The following NCOR1 variants were observed in gnomAD, a reference collection of about 807,000 sequenced individuals.
NCOR1 encodes protein phosphatase 1, regulatory subunit 109.
NCOR1 carries 63 observed loss-of-function variants against 288.1 expected under a neutral mutation model. The ratio of observed to expected loss-of-function variants is 0.22; its 90% CI spans 0.18 to 0.27. The LOEUF (loss-of-function observed/expected upper bound fraction) is 0.27, where lower values mean the gene tolerates loss of function less well. NCOR1 is among the 10% of genes least tolerant of loss of function. The pLI, the probability that NCOR1 is intolerant of heterozygous loss-of-function variation, is 1.00. For missense variants in NCOR1, 2,397 were observed against 3,019.2 expected (o/e 0.79, Z 4.83); for synonymous variants, 1,007 against 1,065.9 (o/e 0.94, Z 1.08).
chr17:16,072,496 A>AGAGGATAGAAGGATC (rs1025919890), intron 28 of NCOR1, among the ~76,000 whole-genome samples: 6 of 152,218 alleles, frequency 3.9e-5, no homozygotes, highest in Non-Finnish European at 5.9e-5. Context: ...TAAAATCCCA[A>AGAGGATAGAAGGATC]CACTTCTTTA....
At chr17:16,070,664 C>A in intron 30 of NCOR1, 139 bp from the exon 31 acceptor site, 1 of 1,083,992 alleles carries the variant, frequency 9.2e-7, no homozygotes, top group East Asian at 2.4e-5. Context: ...AATCACAACC[C>A]CACTGATCCC....
chr17:16,035,467 G>C (rs1435278464), intron 44 of NCOR1, among the ~76,000 whole-genome samples: 1 of 149,736 alleles, frequency 6.7e-6, no homozygotes, highest in Non-Finnish European at 1.5e-5. Context: ...TCCATTTCAA[G>C]TTTGATCATG....
At chr17:16,059,977 G>A (rs1294914335) in intron 37 of NCOR1, among the ~76,000 whole-genome samples, 1 of 152,184 alleles carries the variant, frequency 6.6e-6, no homozygotes, top group African/African-American at 2.4e-5. Flanking sequence ...TGTATCCACT[G>A]TTACTCATCA....
intron 14 of NCOR1, among the ~76,000 whole-genome samples, chr17:16,135,228 T>C (rs866687084): frequency 5.3e-5 from 8 of 151,120 alleles, no homozygotes; most frequent in South Asian, 4.2e-4. Flanking sequence ...CTATGATCTC[T>C]AGCTAAAAGG....
intron 1 of NCOR1, among the ~76,000 whole-genome samples, chr17:16,197,853 GA>G (rs2090123882): frequency 1.3e-5 from 2 of 152,042 alleles, no homozygotes; most frequent in Non-Finnish European, 2.9e-5. Context: ...TAGGACTTAA[GA>G]AAAAGTACCG....
chr17:16,060,665 CA>C (rs1163616089), intron 37 of NCOR1, among the ~76,000 whole-genome samples: 2 of 151,936 alleles, frequency 1.3e-5, no homozygotes, highest in African/African-American at 4.8e-5. Context: ...CATGAGAAAT[CA>C]TTTTTTTTTT....
chr17:16,178,079 G>A (rs2084600828), intron 3 of NCOR1, among the ~76,000 whole-genome samples: 2 of 151,922 alleles, frequency 1.3e-5, no homozygotes, highest in Admixed American at 6.6e-5. Context: ...CATGGAGGCA[G>A]GCATCTGTAA....
chr17:16,151,796 G>A, intron 8 of NCOR1, 150 bp downstream of exon 8: 2 of 869,210 alleles, frequency 2.3e-6, no homozygotes, highest in Non-Finnish European at 3.6e-6. Flanking sequence ...GAAGCCAGAG[G>A]AAGATAACAT....
At chr17:16,185,319 T>C (rs985075028) in intron 3 of NCOR1, among the ~76,000 whole-genome samples, 2 of 152,118 alleles carry the variant, frequency 1.3e-5, no homozygotes, top group Non-Finnish European at 2.9e-5. Context: ...TGCTTCACCA[T>C]AGTGACCTTT....
intron 22 of NCOR1, among the ~76,000 whole-genome samples, chr17:16,089,228 A>G (rs1040576902): frequency 6.6e-5 from 10 of 152,086 alleles, no homozygotes; most frequent in Admixed American, 4.6e-4. Context: ...CAGCAACAAA[A>G]TAAACATGCA....
At chr17:16,143,771 T>C in intron 10 of NCOR1, 75 bp from the exon 11 acceptor site, 1 of 1,111,602 alleles carries the variant, frequency 9.0e-7, no homozygotes, top group East Asian at 2.6e-5. Flanking sequence ...TAACTATAGA[T>C]TACTTTTCTG....
intron 42 of NCOR1, among the ~76,000 whole-genome samples, chr17:16,042,323 T>C (rs1434631667): frequency 6.6e-6 from 1 of 152,258 alleles, no homozygotes; most frequent in Non-Finnish European, 1.5e-5. Flanking sequence ...AGATATTTAA[T>C]TGAGCAGTTA....
chr17:16,181,390 T>TA lies in NCOR1; in HGVS notation c.242+5163dup, dbSNP rs61340804. On this transcript the variant is annotated intron_variant, in intron 3 of 45. Transcript: ENST00000268712. ...ATGATCTCCCCTATATATGGAATAT[T>TA]AAAAAAAAAAAAAGCACTCAAATAC... Among the ~76,000 whole-genome samples, 330 of 144,092 alleles carry TA rather than the reference T, an allele frequency of 2.3e-3. 2 individuals carry two copies. Among genetic ancestry groups the TA allele is most frequent in the African/African-American group, 8.0e-3 (313 of 39,194 alleles). 94.5% of individuals were successfully genotyped at this position (144,092 alleles called of 152,430 possible).
chr17:16,032,815 A>G, intron 45 of NCOR1, among the ~76,000 whole-genome samples: 1 of 152,232 alleles, frequency 6.6e-6, no homozygotes, highest in East Asian at 1.9e-4. Context: ...GGTTATAGCA[A>G]GAGCTTTCTT....
chr17:16,191,655 T>G (rs80258811), intron 2 of NCOR1, among the ~76,000 whole-genome samples: 1 of 151,546 alleles, frequency 6.6e-6, no homozygotes, highest in Non-Finnish European at 1.5e-5. Flanking sequence ...TGGAATAACA[T>G]GCAACATGAG....
chr17:16,158,743 A>C lies in NCOR1; in HGVS notation c.732+17T>G, dbSNP rs765729336. 6 of 1,549,614 alleles carry C rather than the reference A, an allele frequency of 3.9e-6. No homozygotes were observed. Among genetic ancestry groups the C allele is most frequent in the Non-Finnish European group, 5.3e-6 (6 of 1,123,676 alleles). ...TGGGGTTAAAGGCCTGTGCTGCCAG[A>C]GATGGTATGAGCTTACCCGATTCTC... On this transcript the variant is annotated intron_variant, in intron 6 of 45. Coordinates refer to ENST00000268712, the MANE Select transcript of NCOR1 (RefSeq NM_006311.4).
At chr17:16,195,343 C>A (rs1291817659) in intron 1 of NCOR1, among the ~76,000 whole-genome samples, 1 of 152,054 alleles carries the variant, frequency 6.6e-6, no homozygotes, top group Non-Finnish European at 1.5e-5. Flanking sequence ...CGGTGACATG[C>A]GTCTGTAATC....
intron 33 of NCOR1, 108 bp downstream of exon 33, chr17:16,065,377 T>C: frequency 1.6e-6 from 2 of 1,231,776 alleles, no homozygotes; most frequent in Non-Finnish European, 2.3e-6. Context: ...ATAGTATTCT[T>C]TTCTTTCTTT....
intron 22 of NCOR1, among the ~76,000 whole-genome samples, chr17:16,089,607 A>T (rs2064850258): frequency 1.3e-5 from 2 of 152,190 alleles, no homozygotes; most frequent in Admixed American, 6.5e-5. Flanking sequence ...CCATGAAGGG[A>T]AAAGTAAAAA....
Sources: allele counts gnomAD v4.1 joint callset (sites outside exome capture counted in the v4.1 genomes callset), GRCh38; gene constraint gnomAD v4.1.1; transcripts MANE v1.5; gene names NCBI Gene and HGNC (gene_info 2026-07-23, HGNC 2026-07-21).